The following CAPS2 variants were observed in gnomAD, a reference collection of about 807,000 sequenced individuals.
CAPS2 encodes the protein calcyphosin-2.
A neutral mutation model predicts 86.5 loss-of-function variants in CAPS2; 98 were observed. That is an observed-to-expected ratio of 1.13 (90% CI 0.96 to 1.34). The LOEUF (loss-of-function observed/expected upper bound fraction) is 1.34, where lower values mean the gene tolerates loss of function less well. Among genes scored for constraint, CAPS2 ranks in the 40% most tolerant of loss-of-function variants. The pLI is 0.00. For missense variants in CAPS2, 729 were observed against 686.8 expected (o/e 1.06, Z -0.69); for synonymous variants, 210 against 225.1 (o/e 0.93, Z 0.60).
chr12:75,289,792 G>A lies in CAPS2; in HGVS notation c.1241-17C>T. 1 of 1,592,254 alleles carries A rather than the reference G, an allele frequency of 6.3e-7. No homozygotes were observed. The highest frequency in any genetic ancestry group is 8.6e-7 in the Non-Finnish European group (1 of 1,167,752). On this transcript the variant is annotated splice_polypyrimidine_tract_variant and intron_variant, in intron 13 of 16. Coordinates refer to ENST00000393284, the Ensembl canonical transcript of CAPS2. ...TTAGCACATCTGTTCAACAAGAAGAGAGATGAAAACAAATTGTTCCTATGC... is the reference window on the plus strand; with the variant it reads ...TTAGCACATCTGTTCAACAAGAAGAAAGATGAAAACAAATTGTTCCTATGC...
intron 1 of CAPS2, among the ~76,000 whole-genome samples, chr12:75,341,380 G>C (rs1457689373): frequency 1.3e-5 from 2 of 152,184 alleles, no homozygotes; most frequent in African/African-American, 4.8e-5. Context: ...ATTATGCTGA[G>C]TGAAGAGAAG....
intron 8 of CAPS2, among the ~76,000 whole-genome samples, chr12:75,304,199 A>G (rs2038160869): frequency 6.6e-6 from 1 of 152,212 alleles, no homozygotes. Flanking sequence ...TTAAAAAAAG[A>G]TAAGAAAGTA....
At chr12:75,284,198 T>A (rs1022038224) in intron 15 of CAPS2, among the ~76,000 whole-genome samples, 5 of 152,218 alleles carry the variant, frequency 3.3e-5, no homozygotes, top group African/African-American at 1.2e-4. Context: ...AAATATTATG[T>A]GGTGAATTTG....
At chr12:75,368,596 T>C (rs1325963034) in intron 1 of CAPS2, among the ~76,000 whole-genome samples, 1 of 151,190 alleles carries the variant, frequency 6.6e-6, no homozygotes, top group Non-Finnish European at 1.5e-5. Context: ...TTGTTAACTT[T>C]TTTTATTTAC....
chr12:75,346,851 T>C (rs1466978460), intron 1 of CAPS2, among the ~76,000 whole-genome samples: 1 of 152,172 alleles, frequency 6.6e-6, no homozygotes, highest in Non-Finnish European at 1.5e-5. Context: ...ATCAGAAATT[T>C]GTGTTGTTAA....
intron 4 of CAPS2, among the ~76,000 whole-genome samples, chr12:75,322,623 T>A (rs2040409106): frequency 6.6e-6 from 1 of 152,210 alleles, no homozygotes; most frequent in Non-Finnish European, 1.5e-5. Context: ...CAATCTGGAA[T>A]GAGCATAGCT....
intron 14 of CAPS2, among the ~76,000 whole-genome samples, chr12:75,289,354 T>C (rs986089590): frequency 6.6e-5 from 10 of 152,214 alleles, no homozygotes; most frequent in South Asian, 2.1e-4. Context: ...TTTATGTTCA[T>C]TGTCCTTCAA....
Position 75,365,876 on chromosome 12 carries a change from C to T in CAPS2, c.-395+24962G>A, listed in dbSNP as rs546416049. 3.3e-5 allele frequency among the ~76,000 whole-genome samples: 5 copies of T among 152,180 alleles called. No homozygotes were observed. In the East Asian group the frequency reaches 7.7e-4, roughly 23 times the overall value. ...AGCTGTTTTCATTAAACCAACAATA[C>T]CAAATGTCTTATTTAGCAAAAATTA... is the stretch of plus-strand genomic sequence containing the variant. On this transcript the variant is annotated intron_variant, in intron 1 of 5. Coordinates refer to the CAPS2 transcript ENST00000551829.
At chr12:75,325,118 T>C (rs921557920) in intron 2 of CAPS2, 121 bp downstream of exon 3, 2 of 846,966 alleles carry the variant, frequency 2.4e-6, no homozygotes, top group South Asian at 2.6e-5. Context: ...CATATGCATA[T>C]AGATTTTTCT....
intron 1 of CAPS2, among the ~76,000 whole-genome samples, chr12:75,340,732 TAA>T (rs540433596): frequency 1.6e-5 from 2 of 122,766 alleles, no homozygotes; most frequent in Non-Finnish European, 1.8e-5. Flanking sequence ...AACTCAACAG[TAA>T]AAAAAAAAAA....
chr12:75,299,065 T>C (rs1225239506), intron 9 of CAPS2, 99 bp from the exon 10 acceptor site: 27 of 742,432 alleles, frequency 3.6e-5, no homozygotes, highest in Non-Finnish European at 5.2e-5. Flanking sequence ...GCTAACTCTC[T>C]TATGTATGTG....
upstream of CAPS2, chr12:75,334,657 G>C: frequency 6.4e-7 from 1 of 1,556,448 alleles, no homozygotes; most frequent in Non-Finnish European, 8.7e-7. Context: ...CGGGGGCGTG[G>C]GGAAATCGGG....
At chr12:75,344,138 G>A (rs957065789) in intron 1 of CAPS2, among the ~76,000 whole-genome samples, 2 of 151,894 alleles carry the variant, frequency 1.3e-5, no homozygotes, top group Admixed American at 6.6e-5. Context: ...TGGCCTTTTT[G>A]AAGTTGTAAG....
At chr12:75,346,778 T>C (rs777197835) in intron 1 of CAPS2, among the ~76,000 whole-genome samples, 9 of 152,178 alleles carry the variant, frequency 5.9e-5, no homozygotes, top group South Asian at 2.1e-4. Context: ...TAGAAAACAA[T>C]TGATACATCA....
upstream of CAPS2, chr12:75,329,825 A>G: frequency 1.3e-6 from 2 of 1,543,486 alleles, no homozygotes; most frequent in Non-Finnish European, 8.8e-7. Flanking sequence ...ATTATAATTC[A>G]GAGCACCTGC....
chr12:75,345,080 G>T (rs1406218286), intron 1 of CAPS2, among the ~76,000 whole-genome samples: 1 of 152,002 alleles, frequency 6.6e-6, no homozygotes, highest in East Asian at 1.9e-4. Flanking sequence ...TCTGCACATT[G>T]TCCTAGTGTG....
chr12:75,332,086 C>G (rs550298224), upstream of CAPS2, among the ~76,000 whole-genome samples: 1 of 152,134 alleles, frequency 6.6e-6, no homozygotes, highest in Non-Finnish European at 1.5e-5. Context: ...ACAATTCAGA[C>G]ATTTTATTAA....
intron 1 of CAPS2, among the ~76,000 whole-genome samples, chr12:75,375,822 C>T (rs892287065): frequency 5.9e-5 from 9 of 152,172 alleles, no homozygotes; most frequent in Admixed American, 2.6e-4. Context: ...TTGTCTTTGA[C>T]GGTTGAGTGC....
downstream of CAPS2, chr12:75,276,996 T>C: frequency 2.0e-6 from 2 of 984,658 alleles, no homozygotes; most frequent in Non-Finnish European, 1.2e-6. Context: ...GATTTTACTA[T>C]ACCAAAATCA....
Sources: allele counts gnomAD v4.1 joint callset (sites outside exome capture counted in the v4.1 genomes callset), GRCh38; gene constraint gnomAD v4.1.1; transcripts MANE v1.5; gene names NCBI Gene and HGNC (gene_info 2026-07-23, HGNC 2026-07-21).